Variants in CFAP47 observed in about 807,000 individuals in gnomAD.
CFAP47 encodes cilia and flagella associated protein 47, also known as cilia- and flagella-associated protein 47.
Under a neutral mutation model 148.1 loss-of-function variants are expected in CFAP47, and 29 were observed. The observed-to-expected ratio is 0.20, with a 90% CI of 0.15 to 0.27. CFAP47 has a LOEUF of 0.27. Ranked by LOEUF, CFAP47 falls within the 10% of genes least tolerant of loss-of-function variation. The pLI is 1.00. For synonymous variants in CFAP47, 664 were observed against 577.3 expected (o/e 1.15, Z -2.15); for missense variants, 1,872 against 1,697.5 (o/e 1.10, Z -1.81).
At chrX:35,985,622 A>T (rs777104956) in intron 15 of CFAP47, among the ~76,000 whole-genome samples, 1 of 111,436 alleles carries the variant, frequency 9.0e-6, no homozygotes, top group Non-Finnish European at 1.9e-5. Flanking sequence ...CTGGTTGGGC[A>T]TCCAAGGCTG....
chrX:35,951,249 C>T lies in CFAP47; in HGVS notation c.775C>T (p.Pro259Ser), dbSNP rs1936160215. 1 of 1,207,687 alleles carries T rather than the reference C, an allele frequency of 8.3e-7. No individual in the cohort carries two copies. The highest frequency in any genetic ancestry group is 1.1e-6 in the Non-Finnish European group (1 of 893,754). Residue 259 changes from proline to serine, a missense_variant, in exon 5 of 64, where the codon CCT (proline) becomes TCT (serine). Pro to Ser is a moderately conservative substitution (Grantham distance 74, BLOSUM62 -1). Coordinates refer to ENST00000378653, the MANE Select transcript of CFAP47 (RefSeq NM_001304548.2). ...DRRLECIHFG[P>S]VFFGSSKIKH... ...AAGGCTGGAATGCATACACTTTGGTCCTGTTTTCTTCGGATCATCAAAAAT... is the reference window on the plus strand; with the variant it reads ...AAGGCTGGAATGCATACACTTTGGTTCTGTTTTCTTCGGATCATCAAAAAT...
intron 62 of CFAP47, among the ~76,000 whole-genome samples, chrX:36,377,782 G>A (rs782657949): frequency 1.8e-5 from 2 of 112,227 alleles, no homozygotes; most frequent in Admixed American, 9.5e-5. Flanking sequence ...AAGAACAACA[G>A]CGATACTGAT....
intron 30 of CFAP47, among the ~76,000 whole-genome samples, chrX:36,089,756 A>G (rs1384670306): frequency 8.9e-6 from 1 of 112,089 alleles, no homozygotes; most frequent in Non-Finnish European, 1.9e-5. Context: ...TGGCAGAATA[A>G]TCTCTACAAC....
At chrX:36,310,645 A>G (rs1941386262) in intron 55 of CFAP47, among the ~76,000 whole-genome samples, 188 bp from the exon 56 acceptor site, 1 of 111,544 alleles carries the variant, frequency 9.0e-6, no homozygotes, top group African/African-American at 3.2e-5. Context: ...CAAAGTAAAA[A>G]TACATAGAAT....
intron 57 of CFAP47, among the ~76,000 whole-genome samples, chrX:36,328,548 C>T (rs902948508): frequency 9.0e-6 from 1 of 111,252 alleles, no homozygotes; most frequent in Admixed American, 9.5e-5. Flanking sequence ...CGGTGGCTCA[C>T]GCCTGTAATC....
intron 56 of CFAP47, among the ~76,000 whole-genome samples, chrX:36,316,140 A>G (rs1941431921): frequency 8.9e-6 from 1 of 112,184 alleles, no homozygotes; most frequent in Non-Finnish European, 1.9e-5. Flanking sequence ...ATTTCTCACT[A>G]ACTGTTCACC....
At chrX:36,195,567 T>C (rs1420324256) in intron 42 of CFAP47, among the ~76,000 whole-genome samples, 1 of 111,807 alleles carries the variant, frequency 8.9e-6, no homozygotes, top group Admixed American at 9.5e-5. Context: ...CCAAAACAGA[T>C]AGTAGATTAC....
intron 49 of CFAP47, among the ~76,000 whole-genome samples, chrX:36,277,074 CAT>C (rs782582979): frequency 4.5e-5 from 5 of 111,824 alleles, no homozygotes; most frequent in Non-Finnish European, 9.4e-5. Context: ...GGCTTCTTTG[CAT>C]ACAATTTCTT....
intron 29 of CFAP47, among the ~76,000 whole-genome samples, chrX:36,078,597 T>A (rs1937912534): frequency 9.0e-6 from 1 of 110,985 alleles, no homozygotes; most frequent in Admixed American, 9.6e-5. Context: ...CCTATGTGGG[T>A]CTCTGCACAT....
chrX:36,137,895 C>T lies in CFAP47; in HGVS notation c.5321-63C>T, dbSNP rs1321159841. 2.8e-5 allele frequency: 13 copies of T among 458,452 alleles called. 2 individuals are homozygous for T. The highest frequency in any genetic ancestry group is 1.3e-4 in the African/African-American group (5 of 39,274). 37.8% of individuals were successfully genotyped at this position (458,452 alleles called of 1,213,427 possible). ...TTTCTTTTACTATTGCTCAAATTTC[C>T]ATAGGTATCTTTTAATAAAGTAAAA... On this transcript the variant is annotated intron_variant, in intron 33 of 63. Coordinates refer to ENST00000378653, the MANE Select transcript of CFAP47 (RefSeq NM_001304548.2).
chrX:36,174,867 G>T (rs1939646055), intron 39 of CFAP47, among the ~76,000 whole-genome samples: 1 of 109,935 alleles, frequency 9.1e-6, no homozygotes, highest in Non-Finnish European at 1.9e-5. Context: ...GATTGGGGAA[G>T]TTCTCCTGGA....
intron 46 of CFAP47, among the ~76,000 whole-genome samples, chrX:36,231,151 A>G: frequency 9.0e-6 from 1 of 111,669 alleles, no homozygotes; most frequent in African/African-American, 3.3e-5. Flanking sequence ...CTGTGAAGAA[A>G]GGCATTGGTA....
rs1230308305 is a variant in CFAP47 at position 35,951,284 on chromosome X, A to C, written c.810A>C (p.Ala270=). 3 of 1,208,426 alleles carry C rather than the reference A, an allele frequency of 2.5e-6. No individual in the cohort carries two copies. In the Admixed American group the frequency reaches 6.6e-5, roughly 27 times the overall value. Residue 270 remains alanine, a synonymous_variant, in exon 5 of 64, where the codon GCA becomes GCC. Coordinates refer to ENST00000378653, the MANE Select transcript of CFAP47 (RefSeq NM_001304548.2). The stretch of plus-strand genomic sequence containing the variant: ...TCGGATCATCAAAAATTAAACATGC[A>C]CGTGTATACAATAATAGCCCAGAGC... ...VFFGSSKIKH[A]RVYNNSPEPI... is the part of the protein sequence containing the mutation.
chrX:36,224,372 T>C (rs1940246820), intron 45 of CFAP47, among the ~76,000 whole-genome samples: 1 of 111,735 alleles, frequency 8.9e-6, no homozygotes, highest in Admixed American at 9.6e-5. Context: ...ATTTTATCTT[T>C]TTCAGGTCAC....
chrX:36,279,035 C>T (rs1374461488), intron 49 of CFAP47, among the ~76,000 whole-genome samples: 1 of 111,672 alleles, frequency 9.0e-6, no homozygotes, highest in Non-Finnish European at 1.9e-5. Context: ...TCACCTCCCC[C>T]CAGAAACAAG....
rs943100006 is a variant in CFAP47 at position 36,179,413 on chromosome X, C to T, written c.6095C>T (p.Pro2032Leu). ...AAGTTAACTGAATCCAGGCAATACCCGAAACATGAGTAAGTGTCTATATTT... is the reference window on the plus strand; with the variant it reads ...AAGTTAACTGAATCCAGGCAATACCTGAAACATGAGTAAGTGTCTATATTT... ...PTKLTESRQY[P>L]KHDDDMSSSG... is the part of the protein sequence containing the mutation. Residue 2032 changes from proline to leucine, a missense_variant, in exon 40 of 64, where the codon CCG (proline) becomes CTG (leucine). Coordinates refer to ENST00000378653, the MANE Select transcript of CFAP47 (RefSeq NM_001304548.2). The T allele has an allele frequency of 7.1e-5, 21 of 294,701 alleles. No individual in the cohort carries two copies. The highest frequency in any genetic ancestry group is 1.9e-4 in the Admixed American group (3 of 16,126). The allele number at this position is 294,701 out of a possible 1,213,427, so 24.3% of individuals were successfully genotyped here.
chrX:36,344,263 A>G (rs1556016257), intron 57 of CFAP47, among the ~76,000 whole-genome samples: 2 of 109,716 alleles, frequency 1.8e-5, no homozygotes, highest in Admixed American at 2.0e-4. Context: ...GAAAGAAAAA[A>G]AAAAAGGAAC....
intron 15 of CFAP47, among the ~76,000 whole-genome samples, chrX:35,979,093 T>C (rs1390860960): frequency 9.0e-6 from 1 of 111,503 alleles, no homozygotes; most frequent in East Asian, 2.8e-4. Flanking sequence ...TTCTCCTGCC[T>C]CAATCCTCCC....
chrX:36,382,086 A>G (rs1440852571), intron 63 of CFAP47, among the ~76,000 whole-genome samples: 1 of 111,247 alleles, frequency 9.0e-6, no homozygotes, highest in Non-Finnish European at 1.9e-5. Context: ...ATTGAAATCC[A>G]AGTACCATAT....
Sources: allele counts gnomAD v4.1 joint callset (sites outside exome capture counted in the v4.1 genomes callset), GRCh38; gene constraint gnomAD v4.1.1; transcripts MANE v1.5; gene names NCBI Gene and HGNC (gene_info 2026-07-23, HGNC 2026-07-21).